Variants in ANKRD11 observed in about 807,000 individuals in gnomAD.
The protein encoded by ANKRD11 is ankyrin repeat domain 11.
Under a neutral mutation model 195.7 loss-of-function variants are expected in ANKRD11, and 17 were observed. The observed-to-expected ratio is 0.09, with a 90% CI of 0.06 to 0.13. The LOEUF is 0.13. Among genes scored for constraint, ANKRD11 ranks in the 10% least tolerant of loss-of-function variants. ANKRD11 has a pLI of 1.00. For missense variants in ANKRD11, 3,735 were observed against 3,566.1 expected (o/e 1.05, Z -1.21); for synonymous variants, 1,953 against 1,528.1 (o/e 1.28, Z -6.49).
intron 2 of ANKRD11, among the ~76,000 whole-genome samples, chr16:89,327,140 A>G (rs1050456083): frequency 1.3e-5 from 2 of 151,306 alleles, no homozygotes; most frequent in Non-Finnish European, 2.9e-5. Context: ...TACACTTCTG[A>G]TGACAGCGAA....
In ANKRD11 at chr16:89,285,507, G is replaced by A. The variant is rs376386664; in HGVS notation, c.1035C>T (p.Asp345=). The A allele has an allele frequency of 1.1e-4, 175 of 1,614,082 alleles. 1 individual carries two copies. The Middle Eastern group carries it at 6.3e-3, about 58-fold the overall frequency. Residue 345 remains aspartate (D), a synonymous_variant, in exon 9 of 13, where the codon GAC becomes GAT. Coordinates refer to ENST00000301030, the MANE Select transcript of ANKRD11 (RefSeq NM_013275.6). This position sits in a 1 kb window ranked among gnomAD's most constrained non-coding sequence, Gnocchi z 5.6. ...CGTCGTCCTCATCAAACTCATACTCGTCCTTGACGGGGGCCGTGGCCTTCT... is the reference window on the plus strand; with the variant it reads ...CGTCGTCCTCATCAAACTCATACTCATCCTTGACGGGGGCCGTGGCCTTCT... ...EPQKATAPVK[D]EYEFDEDDEQ...
chr16:89,477,522 ATTTTT>A, intron 1 of ANKRD11, among the ~76,000 whole-genome samples: 1 of 151,706 alleles, frequency 6.6e-6, no homozygotes, highest in Middle Eastern at 3.4e-3. Flanking sequence ...CGCCCAGCTA[ATTTTT>A]TGTATTTTTA....
intron 4 of ANKRD11, among the ~76,000 whole-genome samples, chr16:89,294,899 G>A (rs752934175): frequency 4.6e-5 from 7 of 152,248 alleles, no homozygotes; most frequent in Non-Finnish European, 8.8e-5. Flanking sequence ...CGCAGGAGGC[G>A]CGGGGTGTTG....
Position 89,279,023 on chromosome 16 carries a change from A to T in ANKRD11, c.7470+49T>A. On this transcript the variant is annotated intron_variant, in intron 9 of 12. Transcript: ENST00000301030. This position sits in a 1 kb window ranked among gnomAD's most constrained non-coding sequence, Gnocchi z 5.6. ...AGGAAGCCGTGACTAGGGGCCCCAG[A>T]CGCATCCCAGAGAGAGAAGGCAGTG... is the stretch of plus-strand genomic sequence containing the variant. 1 of 1,609,088 alleles carries T rather than the reference A, an allele frequency of 6.2e-7. No homozygotes were observed. The highest frequency in any genetic ancestry group is 8.5e-7 in the Non-Finnish European group (1 of 1,177,948).
chr16:89,272,811 A>G (rs2033282007), intron 11 of ANKRD11: 1 of 151,874 alleles, frequency 6.6e-6, no homozygotes, highest in African/African-American at 2.4e-5. Context: ...ACGGAGTACT[A>G]TTCAGCCACA....
chr16:89,348,356 C>T (rs1348612807), intron 2 of ANKRD11, among the ~76,000 whole-genome samples: 2 of 152,068 alleles, frequency 1.3e-5, no homozygotes, highest in African/African-American at 2.4e-5. Flanking sequence ...TGAGATAAAC[C>T]CCGCTTGCTC....
chr16:89,387,801 A>G (rs2040988237), intron 2 of ANKRD11, among the ~76,000 whole-genome samples: 1 of 151,346 alleles, frequency 6.6e-6, no homozygotes, highest in Admixed American at 6.6e-5. Context: ...TCAGGGGTTC[A>G]AGACCAGCCT....
chr16:89,335,872 C>T lies in ANKRD11; in HGVS notation c.-59-18794G>A, dbSNP rs189983821. On this transcript the variant is annotated intron_variant, in intron 2 of 12. Coordinates refer to ENST00000301030, the MANE Select transcript of ANKRD11 (RefSeq NM_013275.6). ...GGTGCTTCTAAAGGGCTAGGAGAAA[C>T]GCAGGGCAGGATCCCCACACGCCAG... Among the ~76,000 whole-genome samples the T allele has an allele frequency of 1.0e-3, 156 of 152,292 alleles. 1 individual carries two copies. The South Asian group carries it at 0.02, about 20-fold the overall frequency.
chr16:89,330,610 C>T (rs138075807), intron 2 of ANKRD11, among the ~76,000 whole-genome samples: 151 of 127,812 alleles, frequency 1.2e-3, no homozygotes, highest in Non-Finnish European at 1.7e-3. Flanking sequence ...CAAGGGGCTG[C>T]GTGAGGGTCC....
chr16:89,365,296 T>C (rs2039898252), intron 2 of ANKRD11, among the ~76,000 whole-genome samples: 1 of 152,212 alleles, frequency 6.6e-6, no homozygotes, highest in South Asian at 2.1e-4. Flanking sequence ...TAAACCCTTG[T>C]GTCATCACCT....
intron 2 of ANKRD11, among the ~76,000 whole-genome samples, chr16:89,397,544 G>A (rs1271926529): frequency 6.6e-6 from 1 of 152,244 alleles, no homozygotes; most frequent in Non-Finnish European, 1.5e-5. Flanking sequence ...ACGGGGAAGG[G>A]TTGAGCCCAG....
chr16:89,446,882 G>T (rs897479211), intron 1 of ANKRD11, among the ~76,000 whole-genome samples: 1 of 151,980 alleles, frequency 6.6e-6, no homozygotes, highest in Non-Finnish European at 1.5e-5. Context: ...CTGCTTCTCC[G>T]CTTGTCACCC....
intron 4 of ANKRD11, among the ~76,000 whole-genome samples, chr16:89,304,655 C>T (rs532479304): frequency 6.6e-5 from 10 of 151,798 alleles, no homozygotes; most frequent in South Asian, 2.1e-4. Flanking sequence ...CACAGATACA[C>T]GGGCATGTGC....
chr16:89,280,103 C>T lies in ANKRD11; in HGVS notation c.6439G>A (p.Asp2147Asn). ...SLPELPLQTKDAADGEAEPVE... is the reference protein window; with the variant it reads ...SLPELPLQTKNAADGEAEPVE... Reference sequence around the variant, plus strand: ...GGTTCCGCTTCACCATCTGCGGCATCTTTAGTCTGCAGGGGAAGCTCCGGC... The same window carrying T: ...GGTTCCGCTTCACCATCTGCGGCATTTTTAGTCTGCAGGGGAAGCTCCGGC... The change falls in exon 9 of 13, where the codon GAT becomes AAT. Residue 2147 changes from aspartate to asparagine, a missense_variant. Coordinates refer to ENST00000301030, the MANE Select transcript of ANKRD11 (RefSeq NM_013275.6). 1.2e-6 allele frequency: 2 copies of T among 1,613,076 alleles called. No homozygotes were observed. The highest frequency in any genetic ancestry group is 2.2e-5 in the South Asian group (2 of 91,060).
chr16:89,408,553 G>A (rs1399304440), intron 2 of ANKRD11, among the ~76,000 whole-genome samples: 1 of 152,188 alleles, frequency 6.6e-6, no homozygotes, highest in Admixed American at 6.5e-5. Flanking sequence ...AACAGCCAGT[G>A]CCCAGGCTGA....
At chr16:89,314,515 G>C (rs570894263) in intron 3 of ANKRD11, among the ~76,000 whole-genome samples, 39 of 152,138 alleles carry the variant, frequency 2.6e-4, no homozygotes, top group Non-Finnish European at 5.1e-4. Context: ...GCGCCAACAC[G>C]ACCTGCTCTC....
intron 4 of ANKRD11, chr16:89,300,425 G>A (rs2035776778): frequency 5.3e-6 from 1 of 187,142 alleles, no homozygotes; most frequent in Non-Finnish European, 1.1e-5. Flanking sequence ...AGGCTCCCAG[G>A]GGCGCCATGC....
intron 1 of ANKRD11, among the ~76,000 whole-genome samples, chr16:89,480,782 A>G (rs1162881212): frequency 1.3e-5 from 2 of 152,188 alleles, no homozygotes; most frequent in African/African-American, 4.8e-5. Flanking sequence ...TGGCCATTAA[A>G]GTCATTTAGG....
chr16:89,269,801 G>T (rs1241674230), intron 12 of ANKRD11: 2 of 151,992 alleles, frequency 1.3e-5, no homozygotes, highest in African/African-American at 2.4e-5. Flanking sequence ...TCACCATGTT[G>T]GCCAGGCTGG....
Sources: gnomAD v4.1 joint callset for allele counts (sites outside exome capture counted in the v4.1 genomes callset) on GRCh38, gnomAD v4.1.1 for gene constraint, Gnocchi (gnomAD v3.1) non-coding constraint, MANE v1.5 for transcripts, NCBI Gene and HGNC (gene_info 2026-07-23, HGNC 2026-07-21) for gene names.